Variants in PDYN observed in about 807,000 individuals in gnomAD.
PDYN encodes proenkephalin-B.
A neutral mutation model predicts 11.4 loss-of-function variants in PDYN; 5 were observed. The ratio of observed to expected loss-of-function variants is 0.44; its 90% CI spans 0.23 to 0.92. The LOEUF (loss-of-function observed/expected upper bound fraction) is 0.92. Ranked by LOEUF, PDYN falls within the 40% of genes least tolerant of loss-of-function variation. The pLI is 0.24. For missense variants in PDYN, 337 were observed against 317.3 expected (o/e 1.06, Z -0.47); for synonymous variants, 132 against 129.5 (o/e 1.02, Z -0.13).
Position 1,980,521 on chromosome 20 carries a change from C to G in PDYN, c.567G>C (p.Val189=). The change falls in exon 4 of 4, where the codon GTG becomes GTC. Residue 189 remains valine (V), a synonymous_variant. Transcript: ENST00000217305. ...LRKYPKRSSE[V]AGEGDGDSMG... The stretch of plus-strand genomic sequence containing the variant: ...TGCTATCCCCGTCCCCCTCCCCAGC[C>G]ACCTCTGAGCTCCTCTTGGGGTATT... 6.2e-7 allele frequency: 1 copy of G among 1,613,096 alleles called. No individual in the cohort carries two copies. The highest frequency in any genetic ancestry group is 8.5e-7 in the Non-Finnish European group (1 of 1,179,268).
chr20:1,994,080 C>G (rs1191513065), upstream of PDYN: 11 of 153,222 alleles, frequency 7.2e-5, no homozygotes, highest in Non-Finnish European at 1.6e-4. Flanking sequence ...GCCTCTTCCC[C>G]CCTTTTATGG....
At chr20:1,985,740 G>C (rs1426311469) in intron 2 of PDYN, among the ~76,000 whole-genome samples, 1 of 152,216 alleles carries the variant, frequency 6.6e-6, no homozygotes, top group Non-Finnish European at 1.5e-5. Context: ...GGAAAAGTCA[G>C]GGAAGCGGAC....
At chr20:1,981,526 T>A (rs996116954) in intron 3 of PDYN, among the ~76,000 whole-genome samples, 1 of 152,060 alleles carries the variant, frequency 6.6e-6, no homozygotes, top group African/African-American at 2.4e-5. Flanking sequence ...ACCCAGGCCG[T>A]CCAGTGCCAT....
chr20:1,982,867 C>T (rs1987913417), intron 3 of PDYN, 89 bp downstream of exon 3: 2 of 1,412,854 alleles, frequency 1.4e-6, no homozygotes, highest in Non-Finnish European at 2.0e-6. Flanking sequence ...AGACAGCACA[C>T]AGCTGCCCAG....
chr20:1,985,079 C>A (rs1375969347), intron 2 of PDYN, among the ~76,000 whole-genome samples: 1 of 152,164 alleles, frequency 6.6e-6, no homozygotes, highest in Admixed American at 6.5e-5. Context: ...TGTAACCTGA[C>A]AACACCAATT....
At chr20:1,986,296 G>A (rs1265739918) in intron 2 of PDYN, among the ~76,000 whole-genome samples, 4 of 152,138 alleles carry the variant, frequency 2.6e-5, no homozygotes, top group Non-Finnish European at 5.9e-5. Flanking sequence ...AGCTACCTTC[G>A]TAACTGCTGT....
In PDYN at chr20:1,980,371, C is replaced by T; in HGVS notation, c.717G>A (p.Arg239=). 1 of 1,614,132 alleles carries T rather than the reference C, an allele frequency of 6.2e-7. No individual in the cohort carries two copies. The highest frequency in any genetic ancestry group is 1.6e-4 in the Middle Eastern group (1 of 6,062). The change falls in exon 4 of 4, where the codon CGG becomes CGA. Residue 239 remains arginine (R), a synonymous_variant. Transcript: ENST00000217305. ...AGTAAGCATTCGGATCTTCCTGAGA[C>T]CGAGTCACCACCTTGAACTGGCGCC... ...FLRRQFKVVT[R]SQEDPNAYSG...
intron 2 of PDYN, among the ~76,000 whole-genome samples, chr20:1,991,098 T>G (rs894837730): frequency 6.6e-6 from 1 of 152,090 alleles, no homozygotes; most frequent in Non-Finnish European, 1.5e-5. Flanking sequence ...GAGTAGATTT[T>G]GATTCAGGAT....
chr20:1,990,401 T>G (rs1988381668), intron 2 of PDYN, among the ~76,000 whole-genome samples: 1 of 152,242 alleles, frequency 6.6e-6, no homozygotes, highest in African/African-American at 2.4e-5. Flanking sequence ...TTCACCCTTG[T>G]GGGTCTCCAG....
intron 2 of PDYN, among the ~76,000 whole-genome samples, chr20:1,988,855 C>T (rs997808831): frequency 5.9e-5 from 9 of 152,308 alleles, no homozygotes; most frequent in Middle Eastern, 3.4e-3. Flanking sequence ...CAATTCCTTA[C>T]GTCAATCTCT....
At chr20:1,992,145 T>G (rs1001553789) in intron 2 of PDYN, among the ~76,000 whole-genome samples, 2 of 152,156 alleles carry the variant, frequency 1.3e-5, no homozygotes, top group Non-Finnish European at 2.9e-5. Flanking sequence ...GTGAATATTA[T>G]TATTATTCTC....
rs1362787273 is a variant in PDYN at position 1,979,578 on chromosome 20, T to C, written c.*745A>G. On this transcript the variant is annotated 3_prime_UTR_variant, in exon 4 of 4. Coordinates refer to ENST00000217305, the MANE Select transcript of PDYN (RefSeq NM_024411.5). ...GGTTTTCACTCCCTTCTGTAAGGAG[T>C]TAGGCACTGTCCAGGGTACCAACAT... 6.6e-6 allele frequency: 1 copy of C among 152,498 alleles called. No homozygotes were observed. The highest frequency in any genetic ancestry group is 1.5e-5 in the Non-Finnish European group (1 of 68,322). 9.4% of individuals were successfully genotyped at this position (152,498 alleles called of 1,614,324 possible).
rs1987641410 is a variant in PDYN at position 1,980,212 on chromosome 20, A to G, written c.*111T>C. On this transcript the variant is annotated 3_prime_UTR_variant, in exon 4 of 4. Transcript: ENST00000217305. ...GGCTGGGCTTGGATATTTTGTACAC[A>G]ATGCTGAGCTGAGCATGGGGAAGGG... The G allele has an allele frequency of 1.8e-6, 2 of 1,090,586 alleles. No individual in the cohort carries two copies. The highest frequency in any genetic ancestry group is 2.5e-5 in the South Asian group (2 of 79,132). The allele number at this position is 1,090,586 out of a possible 1,614,324, so 67.6% of individuals were successfully genotyped here.
chr20:1,990,907 C>T (rs73573503), intron 2 of PDYN, among the ~76,000 whole-genome samples: 2,227 of 148,106 alleles, frequency 0.015, 60 homozygotes, highest in African/African-American at 0.051. Flanking sequence ...AAAAAGAGAC[C>T]GAGACACCGA....
At chr20:1,981,480 A>G (rs192497151) in intron 3 of PDYN, among the ~76,000 whole-genome samples, 171 of 152,238 alleles carry the variant, frequency 1.1e-3, no homozygotes, top group African/African-American at 4.0e-3. Flanking sequence ...ATTCAATCAT[A>G]ATGACGATGA....
chr20:1,992,292 T>C (rs1988483521), intron 2 of PDYN, among the ~76,000 whole-genome samples: 1 of 151,828 alleles, frequency 6.6e-6, no homozygotes, highest in Non-Finnish European at 1.5e-5. Flanking sequence ...AGATGACAGA[T>C]GGAAAATTCC....
Position 1,980,386 on chromosome 20 carries a change from G to A in PDYN, c.702C>T (p.Phe234=), listed in dbSNP as rs1458597162. ...KRYGGFLRRQ[F]KVVTRSQEDP... ...CTTCCTGAGACCGAGTCACCACCTT[G>A]AACTGGCGCCGGAGAAAACCGCCAT... Residue 234 remains phenylalanine, a synonymous_variant, in exon 4 of 4, where the codon TTC becomes TTT. Coordinates refer to ENST00000217305, the MANE Select transcript of PDYN (RefSeq NM_024411.5). 6.2e-7 allele frequency: 1 copy of A among 1,614,132 alleles called. No homozygotes were observed.
chr20:1,986,433 G>A (rs1988188332), intron 2 of PDYN, among the ~76,000 whole-genome samples: 1 of 152,162 alleles, frequency 6.6e-6, no homozygotes, highest in Non-Finnish European at 1.5e-5. Context: ...GCAGCAGCTG[G>A]AGGACCCTTC....
intron 3 of PDYN, 43 bp downstream of exon 3, chr20:1,982,913 G>A: frequency 6.2e-7 from 1 of 1,608,172 alleles, no homozygotes; most frequent in East Asian, 2.2e-5. Flanking sequence ...GCCTCGCACA[G>A]GTCCAAGGAC....
Sources: allele counts gnomAD v4.1 joint callset (sites outside exome capture counted in the v4.1 genomes callset), GRCh38; gene constraint gnomAD v4.1.1; transcripts MANE v1.5; gene names NCBI Gene and HGNC (gene_info 2026-07-23, HGNC 2026-07-21).